The following MTMR8 variants were observed in gnomAD, a reference collection of about 807,000 sequenced individuals.
The protein encoded by MTMR8 is phosphatidylinositol-3,5-bisphosphate 3-phosphatase MTMR8.
A neutral mutation model predicts 39.3 loss-of-function variants in MTMR8; 65 were observed. The ratio of observed to expected loss-of-function variants is 1.65; its 90% CI spans 1.35 to 2.03. The LOEUF is 2.03. Ranked by LOEUF, MTMR8 falls within the 30% of genes most tolerant of loss-of-function variation. MTMR8 has a pLI of 0.00. For synonymous variants in MTMR8, 245 were observed against 185.2 expected, an observed-to-expected ratio of 1.32 and a Z score of -2.62; for missense variants, 777 against 538.9, an observed-to-expected ratio of 1.44 and a Z score of -4.37.
intron 12 of MTMR8, among the ~76,000 whole-genome samples, chrX:64,321,039 A>T (rs1325148932): frequency 8.9e-6 from 1 of 112,049 alleles, no homozygotes; most frequent in Non-Finnish European, 1.9e-5. Flanking sequence ...AAGCTACTAA[A>T]CTAACAATTA....
intron 1 of MTMR8, among the ~76,000 whole-genome samples, chrX:64,373,780 G>T (rs1458102846): frequency 9.0e-6 from 1 of 111,011 alleles, no homozygotes; most frequent in African/African-American, 3.3e-5. Flanking sequence ...CCCAATCTAA[G>T]CACACCACAT....
chrX:64,327,187 T>A (rs1330776990), intron 12 of MTMR8, among the ~76,000 whole-genome samples: 2 of 111,177 alleles, frequency 1.8e-5, no homozygotes. Context: ...ACAAATGAGA[T>A]TACATCAAAC....
chrX:64,366,011 GA>G (rs1923943269), intron 1 of MTMR8, among the ~76,000 whole-genome samples: 1 of 112,009 alleles, frequency 8.9e-6, no homozygotes, highest in African/African-American at 3.3e-5. Context: ...AAGAGACAAA[GA>G]AGGCCATTAC....
chrX:64,333,576 C>A (rs887326647), intron 10 of MTMR8, among the ~76,000 whole-genome samples: 3 of 111,835 alleles, frequency 2.7e-5, no homozygotes, highest in East Asian at 2.8e-4. Flanking sequence ...TTTAATGTTT[C>A]TTTCTTCTCA....
intron 1 of MTMR8, among the ~76,000 whole-genome samples, chrX:64,384,579 C>T (rs143799425): frequency 0.01 from 1,168 of 112,313 alleles, 15 homozygotes; most frequent in African/African-American, 0.036. Flanking sequence ...CAATCTGTGC[C>T]CCTGCAAGCT....
At chrX:64,348,861 T>C in intron 5 of MTMR8, 67 bp from the exon 6 acceptor site, 2 of 1,145,488 alleles carry the variant, frequency 1.7e-6, no homozygotes, top group East Asian at 3.0e-5. Context: ...TTCTTGACCC[T>C]TGCCAGGTTC....
chrX:64,283,056 A>G (rs1225591741), intron 12 of MTMR8, among the ~76,000 whole-genome samples: 2 of 112,258 alleles, frequency 1.8e-5, no homozygotes, highest in African/African-American at 6.5e-5. Flanking sequence ...GCAAGGGGTC[A>G]GGGAATTCCC....
intron 8 of MTMR8, among the ~76,000 whole-genome samples, chrX:64,343,130 A>G (rs1355788856): frequency 8.9e-6 from 1 of 111,735 alleles, no homozygotes; most frequent in Non-Finnish European, 1.9e-5. Flanking sequence ...TAGATACATA[A>G]GCTCTGCATT....
intron 2 of MTMR8, among the ~76,000 whole-genome samples, chrX:64,358,912 G>A (rs917156398): frequency 9.2e-6 from 1 of 108,207 alleles, no homozygotes; most frequent in African/African-American, 3.4e-5. Flanking sequence ...CCTGTCTTAG[G>A]ACAGAGAGAT....
intron 13 of MTMR8, among the ~76,000 whole-genome samples, chrX:64,269,530 G>C (rs541981678): frequency 4.5e-5 from 5 of 111,359 alleles, no homozygotes; most frequent in South Asian, 3.8e-4. Flanking sequence ...TGATGCCAAA[G>C]TCTATGACCT....
At chrX:64,274,110 A>G (rs1353861851) in intron 12 of MTMR8, among the ~76,000 whole-genome samples, 6 of 111,716 alleles carry the variant, frequency 5.4e-5, no homozygotes, top group African/African-American at 1.9e-4. Context: ...AAATGGACCT[A>G]ACAGATATAC....
intron 1 of MTMR8, among the ~76,000 whole-genome samples, chrX:64,374,875 T>C (rs1225906560): frequency 9.3e-6 from 1 of 108,048 alleles, no homozygotes; most frequent in African/African-American, 3.4e-5. Context: ...GAGGCAGAGA[T>C]TGGAGCGATG....
In MTMR8 at chrX:64,302,764, A is replaced by T. The variant is rs552091387; in HGVS notation, c.1481+26008T>A. Reference sequence around the variant, plus strand: ...TTTACATACACTGCAAAACTTCACAAAATATCTACTACCCATAGACAAGAA... The same window carrying T: ...TTTACATACACTGCAAAACTTCACATAATATCTACTACCCATAGACAAGAA... On this transcript the variant is annotated intron_variant, in intron 12 of 13. Coordinates refer to ENST00000374852, the MANE Select transcript of MTMR8 (RefSeq NM_017677.4). Among the ~76,000 whole-genome samples the T allele has an allele frequency of 2.7e-5, 3 of 112,264 alleles. No homozygotes were observed. The South Asian group carries it at 1.1e-3, about 41-fold the overall frequency.
At position 64,395,396 on chromosome X, in the gene MTMR8, GCTA is replaced by G. The variant is rs1323124419; in HGVS notation, c.-36_-34del. 9 of 1,203,054 alleles carry G rather than the reference GCTA, an allele frequency of 7.5e-6. No individual in the cohort carries two copies. The highest frequency in any genetic ancestry group is 1.0e-5 in the Non-Finnish European group (9 of 889,791). ...GTTCCCGCCACCGGAAGATCTCAGT[GCTA>G]CTCCAGATGCCGCCGCCACCGGTCT... On this transcript the variant is annotated 5_prime_UTR_variant, in exon 1 of 14. Coordinates refer to ENST00000374852, the MANE Select transcript of MTMR8 (RefSeq NM_017677.4).
intron 12 of MTMR8, among the ~76,000 whole-genome samples, chrX:64,319,288 A>T (rs1170972504): frequency 1.8e-5 from 2 of 112,559 alleles, no homozygotes; most frequent in African/African-American, 6.5e-5. Flanking sequence ...GGAAATGCTT[A>T]GTTAAAAAAA....
At chrX:64,375,692 A>T (rs1447478564) in intron 1 of MTMR8, among the ~76,000 whole-genome samples, 1 of 111,766 alleles carries the variant, frequency 8.9e-6, no homozygotes, top group Non-Finnish European at 1.9e-5. Context: ...CAGCAAAAAG[A>T]CCACTGTCTA....
intron 12 of MTMR8, among the ~76,000 whole-genome samples, chrX:64,319,154 T>C (rs570580807): frequency 8.9e-6 from 1 of 112,628 alleles, no homozygotes; most frequent in Non-Finnish European, 1.9e-5. Flanking sequence ...TCACCAAAAA[T>C]GGTGGAGTAG....
In MTMR8 at chrX:64,324,814, C is replaced by CAAAA. The variant is rs758476355; in HGVS notation, c.1481+3954_1481+3957dup. 7.4e-3 allele frequency among the ~76,000 whole-genome samples: 211 copies of CAAAA among 28,335 alleles called. 7 individuals are homozygous for CAAAA. The highest frequency in any genetic ancestry group is 0.039 in the African/African-American group (134 of 3,446). 24.6% of individuals were successfully genotyped at this position (28,335 alleles called of 115,157 possible). A position where few individuals can be genotyped will look rare whatever the true frequency, so the allele number is the denominator to read the frequency against. ...TGAAATAAACAGCCTTGTTGCTCACCAAAAAAAAAAAAAAAAAAAAAAAAG... is the reference window on the plus strand; with the variant it reads ...TGAAATAAACAGCCTTGTTGCTCACCAAAAAAAAAAAAAAAAAAAAAAAAAAAAG... On this transcript the variant is annotated intron_variant, in intron 12 of 13. Transcript: ENST00000374852.
intron 1 of MTMR8, among the ~76,000 whole-genome samples, chrX:64,380,943 C>T (rs764249834): frequency 3.6e-5 from 4 of 112,022 alleles, no homozygotes; most frequent in East Asian, 2.8e-4. Flanking sequence ...TTTAGGGCTG[C>T]GTAGTATTCC....
Sources: gnomAD v4.1 joint callset for allele counts (sites outside exome capture counted in the v4.1 genomes callset) on GRCh38, gnomAD v4.1.1 for gene constraint, MANE v1.5 for transcripts, NCBI Gene and HGNC (gene_info 2026-07-23, HGNC 2026-07-21) for gene names.